Variants in GREM2 observed in about 807,000 individuals in gnomAD.
The protein encoded by GREM2 is gremlin-2.
In GREM2, 11 loss-of-function variants were observed where a neutral mutation model predicts 14.2. That is an observed-to-expected ratio of 0.78 (90% CI 0.49 to 1.28). GREM2 has a LOEUF of 1.28. GREM2 is among the 50% of genes most tolerant of loss of function. The pLI is 0.00. For synonymous variants in GREM2, 98 were observed against 97.6 expected, an observed-to-expected ratio of 1.00 and a Z score of -0.02; for missense variants, 210 against 218.5, an observed-to-expected ratio of 0.96 and a Z score of 0.24.
intron 1 of GREM2, chr1:240,588,463 A>G (rs1052517684): frequency 6.6e-6 from 1 of 152,180 alleles, no homozygotes; most frequent in African/African-American, 2.4e-5. Flanking sequence ...GGTATTGGGG[A>G]CTTCATCCAG....
At chr1:240,566,180 T>C (rs1485080254) in intron 1 of GREM2, among the ~76,000 whole-genome samples, 3 of 152,130 alleles carry the variant, frequency 2.0e-5, no homozygotes, top group Admixed American at 1.3e-4. Flanking sequence ...GTAGACTAGT[T>C]TTAAAATAGG....
chr1:240,510,912 ATTAATT>A (rs1677810544), intron 1 of GREM2, among the ~76,000 whole-genome samples: 1 of 152,144 alleles, frequency 6.6e-6, no homozygotes, highest in Admixed American at 6.5e-5. Context: ...TTGTCTTTAA[ATTAATT>A]TTATTTTGGT....
intron 1 of GREM2, among the ~76,000 whole-genome samples, chr1:240,512,157 G>A (rs747065058): frequency 2.6e-5 from 4 of 152,068 alleles, no homozygotes; most frequent in Non-Finnish European, 5.9e-5. Flanking sequence ...AATAGTGAAG[G>A]ACAAAGGAAA....
intron 1 of GREM2, among the ~76,000 whole-genome samples, chr1:240,590,496 C>A (rs1008266950): frequency 2.9e-4 from 43 of 150,046 alleles, no homozygotes; most frequent in Admixed American, 2.0e-4. Flanking sequence ...ATGGGGCGAT[C>A]CTGGCTCACT....
intron 1 of GREM2, among the ~76,000 whole-genome samples, chr1:240,585,602 C>T (rs112570979): frequency 0.012 from 1,861 of 151,462 alleles, 33 homozygotes; most frequent in African/African-American, 0.042. Flanking sequence ...TGGTGGCGGG[C>T]GCCTGTAATC....
Position 240,562,783 on chromosome 1 carries a change from G to A in GREM2, c.-2+49101C>T, listed in dbSNP as rs529272069. Among the ~76,000 whole-genome samples, 5 of 151,698 alleles carry A rather than the reference G, an allele frequency of 3.3e-5. No individual in the cohort carries two copies. In the East Asian group the frequency reaches 9.7e-4, roughly 29 times the overall value. Reference sequence around the variant, plus strand: ...TGTATGTATATGTGTGTGTATGAGTGTGTATGTGTGTATGTGAGTGTGTAT... The same window carrying A: ...TGTATGTATATGTGTGTGTATGAGTATGTATGTGTGTATGTGAGTGTGTAT... On this transcript the variant is annotated intron_variant, in intron 1 of 1. Transcript: ENST00000318160.
chr1:240,542,124 T>G lies in GREM2; in HGVS notation c.-1-48648A>C, dbSNP rs567150467. Reference sequence around the variant, plus strand: ...TCTAGAAGGTCGAGGCCAAGGAGGATGCCGAACATCCTGCAATGCACAAGA... The same window carrying G: ...TCTAGAAGGTCGAGGCCAAGGAGGAGGCCGAACATCCTGCAATGCACAAGA... On this transcript the variant is annotated intron_variant, in intron 1 of 1. Coordinates refer to ENST00000318160, the MANE Select transcript of GREM2 (RefSeq NM_022469.4). This position sits in a 1 kb window ranked among gnomAD's most constrained non-coding sequence, Gnocchi z 4.1. Among the ~76,000 whole-genome samples, 3 of 152,216 alleles carry G rather than the reference T, an allele frequency of 2.0e-5. No homozygotes were observed. The East Asian group carries it at 5.8e-4, about 30-fold the overall frequency.
chr1:240,566,252 G>A (rs1380781064), intron 1 of GREM2, among the ~76,000 whole-genome samples: 2 of 152,154 alleles, frequency 1.3e-5, no homozygotes, highest in East Asian at 3.8e-4. Context: ...CTTAATTTAT[G>A]CTCTTGCCTG....
intron 1 of GREM2, among the ~76,000 whole-genome samples, chr1:240,575,220 G>A (rs1679338325): frequency 6.6e-6 from 1 of 152,114 alleles, no homozygotes; most frequent in Admixed American, 6.5e-5. Flanking sequence ...TTATTTAACT[G>A]TGATAGTATT....
chr1:240,565,131 T>C (rs549675150), intron 1 of GREM2, among the ~76,000 whole-genome samples: 129 of 152,326 alleles, frequency 8.5e-4, no homozygotes, highest in Middle Eastern at 3.4e-3. Context: ...TATTTTATTT[T>C]ACATGGATAG....
intron 1 of GREM2, among the ~76,000 whole-genome samples, chr1:240,602,075 T>C (rs1306373776): frequency 2.0e-5 from 3 of 152,190 alleles, no homozygotes; most frequent in African/African-American, 7.2e-5. Flanking sequence ...GATACACTTG[T>C]AGGAATATCT....
At chr1:240,573,886 G>T (rs918106100) in intron 1 of GREM2, among the ~76,000 whole-genome samples, 1 of 152,116 alleles carries the variant, frequency 6.6e-6, no homozygotes, top group African/African-American at 2.4e-5. Context: ...ATCCAGGAAT[G>T]AGTTAAGGGT....
chr1:240,582,851 A>T (rs915499378), intron 1 of GREM2, among the ~76,000 whole-genome samples: 3 of 151,880 alleles, frequency 2.0e-5, no homozygotes, highest in African/African-American at 7.3e-5. Context: ...TGATCCAAGG[A>T]ACAAAATTTT....
intron 1 of GREM2, among the ~76,000 whole-genome samples, chr1:240,502,140 CT>C (rs564081276): frequency 5.3e-4 from 80 of 152,220 alleles, no homozygotes; most frequent in African/African-American, 1.8e-3. Flanking sequence ...CAGAGTATAG[CT>C]TTTCTGTCTC....
intron 1 of GREM2, among the ~76,000 whole-genome samples, chr1:240,547,280 C>T (rs960570265): frequency 3.3e-5 from 5 of 151,874 alleles, no homozygotes; most frequent in Non-Finnish European, 7.4e-5. Flanking sequence ...GTGGGCGGAT[C>T]ACGAGGGCAG....
chr1:240,526,207 G>A (rs924225084), intron 1 of GREM2, among the ~76,000 whole-genome samples: 2 of 152,124 alleles, frequency 1.3e-5, no homozygotes, highest in African/African-American at 4.8e-5. Flanking sequence ...TTGGAGGGGG[G>A]CATTGTTTCG....
In GREM2 at chr1:240,492,933, G is replaced by A. The variant is rs1677293631; in HGVS notation, c.*36C>T. ...CGGCGGCGGCGCCACCCAGCGGCCG[G>A]GCGCGCGCGGGGCTGAGCTGCGTCC... On this transcript the variant is annotated 3_prime_UTR_variant, in exon 2 of 2. Coordinates refer to ENST00000318160, the MANE Select transcript of GREM2 (RefSeq NM_022469.4). The A allele has an allele frequency of 7.1e-7, 1 of 1,405,802 alleles. No homozygotes were observed. Among genetic ancestry groups the A allele is most frequent in the East Asian group, 2.6e-5 (1 of 37,832 alleles). The allele number at this position is 1,405,802 out of a possible 1,614,324, so 87.1% of individuals were successfully genotyped here. A position where few individuals can be genotyped will look rare whatever the true frequency, so the allele number is the denominator to read the frequency against.
chr1:240,586,049 C>T (rs562066507), intron 1 of GREM2, among the ~76,000 whole-genome samples: 3 of 149,936 alleles, frequency 2.0e-5, no homozygotes, highest in Non-Finnish European at 4.4e-5. Context: ...AAAGACAAAA[C>T]TCACACACAG....
intron 1 of GREM2, among the ~76,000 whole-genome samples, chr1:240,496,641 A>G (rs1320759839): frequency 2.0e-5 from 3 of 152,134 alleles, no homozygotes; most frequent in Non-Finnish European, 4.4e-5. Context: ...GGTCCAAGAG[A>G]GAAGACCTGC....
Sources: allele counts gnomAD v4.1 joint callset (sites outside exome capture counted in the v4.1 genomes callset), GRCh38; gene constraint gnomAD v4.1.1; non-coding constraint Gnocchi (gnomAD v3.1); transcripts MANE v1.5; gene names NCBI Gene and HGNC (gene_info 2026-07-23, HGNC 2026-07-21).